The following NPIPB15 variants were observed in gnomAD, a reference collection of about 807,000 sequenced individuals.
NPIPB15 encodes nuclear pore complex interacting protein family member B15.
A neutral mutation model predicts 35.9 loss-of-function variants in NPIPB15; 5 were observed. That is an observed-to-expected ratio of 0.14 (90% CI 0.07 to 0.29). The LOEUF is 0.29. NPIPB15 is among the 10% of genes least tolerant of loss of function. The pLI, the probability that NPIPB15 is intolerant of heterozygous loss-of-function variation, is 1.00. For missense variants in NPIPB15, 100 were observed against 506.1 expected (o/e 0.20, Z 7.70); for synonymous variants, 43 against 182.0 (o/e 0.24, Z 6.15).
At chr16:74,391,329 T>G (rs1484892435) in intron 7 of NPIPB15, 62 bp from the exon 8 acceptor site, 1 of 1,573,438 alleles carries the variant, frequency 6.4e-7, no homozygotes, top group East Asian at 2.3e-5. Flanking sequence ...ACTGTGTTGG[T>G]GGCGGTAATT....
At chr16:74,387,185 G>A (rs1197854801) in intron 5 of NPIPB15, among the ~76,000 whole-genome samples, 1 of 151,734 alleles carries the variant, frequency 6.6e-6, no homozygotes, top group Non-Finnish European at 1.5e-5. Context: ...TCTGATGCAT[G>A]ACTCTTCTGG....
At chr16:74,384,668 ATTTT>A (rs1186582416) in intron 3 of NPIPB15, among the ~76,000 whole-genome samples, 37 of 61,584 alleles carry the variant, frequency 6.0e-4, no homozygotes, top group African/African-American at 1.7e-3. Context: ...CACCTGGCCT[ATTTT>A]TTTTTTTTTT....
rs2012039399 is a variant in NPIPB15 at position 74,382,440 on chromosome 16, GAA to G, written c.249+745_249+746del. Among the ~76,000 whole-genome samples the G allele has an allele frequency of 1.1e-4, 17 of 151,862 alleles. No individual in the cohort carries two copies. In the South Asian group the frequency reaches 3.6e-3, roughly 32 times the overall value. On this transcript the variant is annotated intron_variant, in intron 3 of 7. Transcript: ENST00000692376. ...AGAACTGCCCTCCAAGAGAATCAAT[GAA>G]AAGTGTGTCTGGGCAGGGTAATTTT...
intron 2 of NPIPB15, among the ~76,000 whole-genome samples, chr16:74,381,047 G>A (rs1454297091): frequency 1.4e-5 from 2 of 145,448 alleles, no homozygotes; most frequent in East Asian, 2.1e-4. Flanking sequence ...GGAGGCTGAG[G>A]GAGGAGAATG....
intron 2 of NPIPB15, among the ~76,000 whole-genome samples, chr16:74,380,339 G>A (rs1317706010): frequency 0.076 from 10,792 of 141,920 alleles, 424 homozygotes; most frequent in East Asian, 0.1. Context: ...CCCGGGAGGC[G>A]GAGGTTGCAG....
At chr16:74,379,151 C>G (rs1197826101) in intron 2 of NPIPB15, among the ~76,000 whole-genome samples, 327 of 152,216 alleles carry the variant, frequency 2.1e-3, no homozygotes, top group African/African-American at 7.6e-3. Flanking sequence ...CTCTTCCCAG[C>G]CAGTCTCTTT....
intron 3 of NPIPB15, among the ~76,000 whole-genome samples, chr16:74,382,960 T>C (rs2012075028): frequency 7.3e-6 from 1 of 137,614 alleles, no homozygotes; most frequent in African/African-American, 2.7e-5. Context: ...TCTCCCTCTG[T>C]TGCCCAGGCT....
chr16:74,386,251 C>T (rs1333206737), intron 5 of NPIPB15, among the ~76,000 whole-genome samples: 2 of 127,042 alleles, frequency 1.6e-5, no homozygotes, highest in African/African-American at 5.9e-5. Flanking sequence ...TCCCAAAGTG[C>T]TGGGATTAGA....
chr16:74,378,702 G>C lies in NPIPB15; in HGVS notation c.66+663G>C, dbSNP rs965139191. On this transcript the variant is annotated intron_variant, in intron 2 of 7. Transcript: ENST00000692376. ...TGGGATTACAGGCGTGAACCACCGC[G>C]CCTGGCCAAAATATATAACCTTAAG... Among the ~76,000 whole-genome samples, 1,166 of 142,738 alleles carry C rather than the reference G, an allele frequency of 8.2e-3. 1 individual carries two copies. Among genetic ancestry groups the C allele is most frequent in the African/African-American group, 0.033 (1,114 of 33,390 alleles). 93.6% of individuals were successfully genotyped at this position (142,738 alleles called of 152,430 possible).
At chr16:74,388,466 AC>A (rs1383084919) in intron 5 of NPIPB15, 1 of 896,814 alleles carries the variant, frequency 1.1e-6, no homozygotes, top group Non-Finnish European at 1.3e-6. Context: ...AATAGGACTA[AC>A]TATGGAACTA....
chr16:74,383,542 C>T (rs911133960), intron 3 of NPIPB15, among the ~76,000 whole-genome samples: 2 of 103,480 alleles, frequency 1.9e-5, no homozygotes, highest in Admixed American at 1.3e-4. Context: ...TTGCTTCTCT[C>T]GAAATCCTAG....
At chr16:74,391,310 A>G (rs1410989184) in intron 7 of NPIPB15, 81 bp from the exon 8 acceptor site, 1 of 1,560,966 alleles carries the variant, frequency 6.4e-7, no homozygotes, top group African/African-American at 1.4e-5. Flanking sequence ...CCAGCAACAG[A>G]AGGTGCAGAC....
intron 2 of NPIPB15, among the ~76,000 whole-genome samples, chr16:74,381,125 T>A (rs1433650382): frequency 4.5e-5 from 6 of 133,668 alleles, no homozygotes; most frequent in Non-Finnish European, 7.7e-5. Context: ...CCTGGGCGAC[T>A]GAGTGGAGCG....
chr16:74,384,853 G>A (rs1199452984), intron 3 of NPIPB15, among the ~76,000 whole-genome samples: 3 of 151,230 alleles, frequency 2.0e-5, no homozygotes, highest in East Asian at 2.0e-4. Context: ...GGCTAATTTT[G>A]TATTTTTAGC....
intron 2 of NPIPB15, among the ~76,000 whole-genome samples, chr16:74,381,119 G>A (rs4085710): frequency 3.6e-5 from 5 of 139,424 alleles, no homozygotes; most frequent in African/African-American, 1.4e-4. Context: ...CTCCAGCCTG[G>A]GCGACTGAGT....
At chr16:74,389,387 T>C (rs1158466735) in intron 5 of NPIPB15, among the ~76,000 whole-genome samples, 1 of 150,078 alleles carries the variant, frequency 6.7e-6, no homozygotes, top group Non-Finnish European at 1.5e-5. Flanking sequence ...GTTTTTGTTT[T>C]TCTGAGATGG....
intron 3 of NPIPB15, among the ~76,000 whole-genome samples, chr16:74,382,721 A>G (rs922571971): frequency 1.3e-5 from 2 of 152,238 alleles, no homozygotes; most frequent in Non-Finnish European, 2.9e-5. Flanking sequence ...ATGCTTTTTT[A>G]TATTCAAGGG....
intron 3 of NPIPB15, among the ~76,000 whole-genome samples, chr16:74,385,043 C>A (rs1273652195): frequency 7.1e-6 from 1 of 140,632 alleles, no homozygotes; most frequent in Non-Finnish European, 1.5e-5. Context: ...GTGACAGAGT[C>A]TCATTCTGTC....
At position 74,381,535 on chromosome 16, in the gene NPIPB15, T is replaced by A. The variant is rs781756416; in HGVS notation, c.86T>A (p.Val29Asp). 18 of 1,591,020 alleles carry A rather than the reference T, an allele frequency of 1.1e-5. No homozygotes were observed. Among genetic ancestry groups the A allele is most frequent in the Non-Finnish European group, 1.4e-5 (16 of 1,175,742 alleles). The change falls in exon 3 of 8, where the codon GTC (valine) becomes GAC (aspartate). Residue 29 changes from valine to aspartate, a missense_variant. Physicochemically the swap from Val to Asp is radical, Grantham distance 152 (BLOSUM62 -3). Coordinates refer to ENST00000692376, the MANE Select transcript of NPIPB15 (RefSeq NM_001306094.2). ...QPTPVINSLA[V>D]YRHRETDFGV... is the part of the protein sequence containing the mutation. ...TTCCAGGTCATCAATAGTCTGGCTG[T>A]CTATCGTCATCGTGAGACTGACTTT... is the stretch of plus-strand genomic sequence containing the variant.
Sources: allele counts gnomAD v4.1 joint callset (sites outside exome capture counted in the v4.1 genomes callset), GRCh38; gene constraint gnomAD v4.1.1; transcripts MANE v1.5; gene names NCBI Gene and HGNC (gene_info 2026-07-23, HGNC 2026-07-21).